The following WDR45 variants were observed in gnomAD, a reference collection of about 807,000 sequenced individuals.
WDR45 encodes the protein WD repeat domain phosphoinositide-interacting protein 4.
WDR45 carries 2 observed loss-of-function variants against 27.3 expected under a neutral mutation model. That is an observed-to-expected ratio of 0.07 (90% CI 0.03 to 0.23). The LOEUF (loss-of-function observed/expected upper bound fraction) is 0.23. Ranked by LOEUF, WDR45 falls within the 10% of genes least tolerant of loss-of-function variation. The pLI is 1.00. For synonymous variants in WDR45, 99 were observed against 119.2 expected (o/e 0.83, Z 1.11); for missense variants, 175 against 311.9 (o/e 0.56, Z 3.31).
Position 49,094,153 on chromosome X carries a change from T to C in WDR45, c.-18+6052A>G, listed in dbSNP as rs187867326. On this transcript the variant is annotated intron_variant, in intron 2 of 11. Transcript: ENST00000356463. Reference sequence around the variant, plus strand: ...GCTCAGCATGGTGCCTGAACCTCTATAAGGAGGCAATGTGTGTTAAGAGAG... The same window carrying C: ...GCTCAGCATGGTGCCTGAACCTCTACAAGGAGGCAATGTGTGTTAAGAGAG... Among the ~76,000 whole-genome samples, 9 of 110,778 alleles carry C rather than the reference T, an allele frequency of 8.1e-5. No homozygotes were observed. The East Asian group carries it at 1.7e-3, about 21-fold the overall frequency.
At chrX:49,083,365 G>C (rs933315612), upstream of WDR45, among the ~76,000 whole-genome samples, 62 of 83,340 alleles carry the variant, frequency 7.4e-4, no homozygotes, top group African/African-American at 2.9e-3. Context: ...TCCTCCACTT[G>C]TATCAAACTT....
upstream of WDR45, among the ~76,000 whole-genome samples, chrX:49,082,486 A>G (rs371353666): frequency 9.0e-6 from 1 of 110,674 alleles, no homozygotes; most frequent in African/African-American, 3.3e-5. Context: ...GTGCTCCTCA[A>G]CAAGGCCAAT....
chrX:49,077,505 A>G, intron 4 of WDR45, 138 bp downstream of exon 4: 1 of 560,969 alleles, frequency 1.8e-6, no homozygotes, highest in Non-Finnish European at 3.1e-6. Flanking sequence ...TATAAGATCC[A>G]TGACTTCCAA....
chrX:49,076,616 C>G (rs1557084292), intron 5 of WDR45, 29 bp downstream of exon 5: 9 of 1,203,039 alleles, frequency 7.5e-6, no homozygotes, highest in Non-Finnish European at 1.0e-5. Flanking sequence ...GGACCTCCTA[C>G]CTCCCACCCC....
At chrX:49,079,076 A>C (rs1164976746) in intron 1 of WDR45, 1 of 111,088 alleles carries the variant, frequency 9.0e-6, no homozygotes, top group African/African-American at 3.3e-5. Flanking sequence ...ACTACCCTTC[A>C]GGGCCAGCCT....
chrX:49,077,056 T>A (rs1557084376), intron 4 of WDR45: 2 of 289,383 alleles, frequency 6.9e-6, no homozygotes, highest in African/African-American at 5.5e-5. Flanking sequence ...TAACTTCCCC[T>A]CGGTAACTAT....
At chrX:49,089,004 T>C (rs921845037) in intron 2 of WDR45, among the ~76,000 whole-genome samples, 2 of 112,508 alleles carry the variant, frequency 1.8e-5, no homozygotes, top group African/African-American at 3.2e-5. Flanking sequence ...AACTAGAAAG[T>C]AGGCCAGACA....
chrX:49,077,361 A>G, intron 4 of WDR45: 1 of 391,786 alleles, frequency 2.6e-6, no homozygotes. Flanking sequence ...AGTTACTGTG[A>G]GGATTAAATG....
At chrX:49,091,476 G>A (rs1276504761) in intron 2 of WDR45, among the ~76,000 whole-genome samples, 1 of 103,676 alleles carries the variant, frequency 9.6e-6, no homozygotes, top group Admixed American at 1.0e-4. Flanking sequence ...TTGGCCGGGC[G>A]CGGTGGCTCA....
At chrX:49,082,050 A>G (rs2065069599), upstream of WDR45, 2 of 109,314 alleles carry the variant, frequency 1.8e-5, no homozygotes, top group Admixed American at 9.9e-5. Flanking sequence ...TGGCAGTATC[A>G]TAGCCAATGA....
chrX:49,075,553 G>C lies in WDR45; in HGVS notation c.717C>G (p.Thr239=), dbSNP rs376257569. Reference sequence around the variant, plus strand: ...GCATACCCTGTGCTCACCAGTAGAGGGTGGCAGGGTCAGTGCCTCGGCGCA... The same window carrying C: ...GCATACCCTGTGCTCACCAGTAGAGCGTGGCAGGGTCAGTGCCTCGGCGCA... The part of the protein sequence containing the change: ...VELRRGTDPA[T]LYCINFSHDS... Residue 239 remains threonine, a synonymous_variant, in exon 8 of 11, where the codon ACC becomes ACG. Transcript: ENST00000376372. 1.7e-6 allele frequency: 2 copies of C among 1,211,865 alleles called. No homozygotes were observed. The highest frequency in any genetic ancestry group is 2.2e-6 in the Non-Finnish European group (2 of 895,506).
At position 49,075,647 on chromosome X, in the gene WDR45, G is replaced by C. The variant is rs1557084052; in HGVS notation, c.623C>G (p.Ala208Gly). ...AAGGGTACCCTTCTGGGAGGCTGAGGCCACTACAGTGCCTGGCTGGTTTAG... is the reference window on the plus strand; with the variant it reads ...AAGGGTACCCTTCTGGGAGGCTGAGCCCACTACAGTGCCTGGCTGGTTTAG... The part of the protein sequence containing the change: ...VSLNQPGTVV[A>G]SASQKGTLIR... The change falls in exon 8 of 11, where the codon GCC becomes GGC. Residue 208 changes from alanine (A) to glycine (G), a missense_variant. By Grantham distance (60) the Ala-to-Gly change is moderately conservative (BLOSUM62 0). Coordinates refer to ENST00000376372, the MANE Select transcript of WDR45 (RefSeq NM_001029896.2). 8.3e-7 allele frequency: 1 copy of C among 1,211,782 alleles called. No homozygotes were observed. The highest frequency in any genetic ancestry group is 2.2e-5 in the Admixed American group (1 of 46,033).
At chrX:49,080,523 A>G (rs2065061869), upstream of WDR45, among the ~76,000 whole-genome samples, 1 of 111,006 alleles carries the variant, frequency 9.0e-6, no homozygotes, top group Non-Finnish European at 1.9e-5. Flanking sequence ...GCTCACTGCA[A>G]CCTCCGCCTC....
chrX:49,082,242 TTTA>T (rs2065070396), upstream of WDR45: 1 of 12,972 alleles, frequency 7.7e-5, no homozygotes, highest in Non-Finnish European at 0.014. Flanking sequence ...AAATCCCCCC[TTTA>T]CTTTTTTTGA....
At chrX:49,096,078 A>G (rs1557087264) in intron 2 of WDR45, among the ~76,000 whole-genome samples, 1 of 108,624 alleles carries the variant, frequency 9.2e-6, no homozygotes, top group African/African-American at 3.4e-5. Flanking sequence ...CAAGTTTTAC[A>G]TTATTAAGCT....
Position 49,075,243 on chromosome X carries a change from T to C in WDR45, c.866A>G (p.Gln289Arg), listed in dbSNP as rs1557083902. The C allele has an allele frequency of 2.5e-6, 3 of 1,211,547 alleles. No individual in the cohort carries two copies. The highest frequency in any genetic ancestry group is 3.4e-6 in the Non-Finnish European group (3 of 895,217). Reference sequence around the variant, plus strand: ...CAGGCTCCACTGAGAGTCCACGTACTGCCCAATCATAGGCCCCACCTTGCC... The same window carrying C: ...CAGGCTCCACTGAGAGTCCACGTACCGCCCAATCATAGGCCCCACCTTGCC... ...RVGKVGPMIGQYVDSQWSLAS... is the reference protein window; with the variant it reads ...RVGKVGPMIGRYVDSQWSLAS... Residue 289 changes from glutamine (Q) to arginine (R), a missense_variant, in exon 10 of 11, where the codon CAG becomes CGG. Transcript: ENST00000376372.
intron 4 of WDR45, 38 bp from the exon 5 acceptor site, chrX:49,076,788 T>G (rs1557084343): frequency 4.5e-6 from 5 of 1,105,587 alleles, no homozygotes; most frequent in African/African-American, 1.8e-5. Context: ...GGCCAAGGTT[T>G]AGGGTAAGGG....
upstream of WDR45, among the ~76,000 whole-genome samples, chrX:49,080,808 T>TA (rs374071162): frequency 4.9e-5 from 4 of 81,240 alleles, no homozygotes; most frequent in African/African-American, 1.9e-4. Context: ...TGCTTTGGGT[T>TA]AAAAAAAAAA....
chrX:49,080,973 C>T (rs2065064506), upstream of WDR45, among the ~76,000 whole-genome samples: 1 of 101,064 alleles, frequency 9.9e-6, no homozygotes. Flanking sequence ...TCTTGGCTCA[C>T]CACAACCTCC....
Sources: gnomAD v4.1 joint callset for allele counts (sites outside exome capture counted in the v4.1 genomes callset) on GRCh38, gnomAD v4.1.1 for gene constraint, MANE v1.5 for transcripts, NCBI Gene and HGNC (gene_info 2026-07-23, HGNC 2026-07-21) for gene names.